Variants in NRXN1 observed in about 807,000 individuals in gnomAD.
NRXN1 encodes neurexin-1.
In NRXN1, 39 loss-of-function variants were observed where a neutral mutation model predicts 150.9. The observed-to-expected ratio is 0.26, with a 90% confidence interval of 0.20 to 0.34. NRXN1 has a LOEUF of 0.34. Ranked by LOEUF, NRXN1 falls within the 10% of genes least tolerant of loss-of-function variation. The pLI, the probability that NRXN1 is intolerant of heterozygous loss-of-function variation, is 1.00. For missense variants in NRXN1, 1,815 were observed against 1,949.9 expected, an observed-to-expected ratio of 0.93 and a Z score of 1.30; for synonymous variants, 924 against 757.0, an observed-to-expected ratio of 1.22 and a Z score of -3.62.
chr2:50,520,733 G>C (rs182321463), intron 12 of NRXN1, among the ~76,000 whole-genome samples: 7 of 151,880 alleles, frequency 4.6e-5, no homozygotes, highest in Non-Finnish European at 7.4e-5. Flanking sequence ...TTATTAAACA[G>C]AATTTATTTT....
At chr2:51,001,583 A>C (rs1700084583) in intron 2 of NRXN1, among the ~76,000 whole-genome samples, 1 of 151,998 alleles carries the variant, frequency 6.6e-6, no homozygotes, top group African/African-American at 2.4e-5. Context: ...TCCACCTTTT[A>C]AAATAATACT....
intron 21 of NRXN1, among the ~76,000 whole-genome samples, chr2:49,998,742 G>C (rs1225879194): frequency 1.3e-5 from 2 of 152,036 alleles, no homozygotes; most frequent in Non-Finnish European, 2.9e-5. Context: ...GATACACAGA[G>C]ACCCTTAGGG....
intron 12 of NRXN1, among the ~76,000 whole-genome samples, chr2:50,508,952 G>T (rs1391696984): frequency 6.6e-6 from 1 of 152,162 alleles, no homozygotes; most frequent in Non-Finnish European, 1.5e-5. Context: ...GCACTAGACT[G>T]GGAGTTAAGA....
chr2:50,534,406 A>G (rs932850442), intron 10 of NRXN1, among the ~76,000 whole-genome samples: 2 of 152,194 alleles, frequency 1.3e-5, no homozygotes, highest in Non-Finnish European at 2.9e-5. Context: ...GTGGTTCTAT[A>G]TAATATCATA....
At chr2:50,773,992 C>G (rs967045531) in intron 5 of NRXN1, among the ~76,000 whole-genome samples, 1 of 152,112 alleles carries the variant, frequency 6.6e-6, no homozygotes, top group Non-Finnish European at 1.5e-5. Flanking sequence ...AACCCCCACA[C>G]GACCCGGATG....
rs77308033 is a variant in NRXN1 at position 50,496,109 on chromosome 2, G to A, written c.2880-14C>T. 1.9e-6 allele frequency: 3 copies of A among 1,566,902 alleles called. No homozygotes were observed. Among genetic ancestry groups the A allele is most frequent in the East Asian group, 4.6e-5 (2 of 43,220 alleles). On this transcript the variant is annotated splice_polypyrimidine_tract_variant and intron_variant, in intron 14 of 22. Coordinates refer to ENST00000401669, the MANE Select transcript of NRXN1 (RefSeq NM_001330078.2). ...TAATGTAAGTACCTGGGAAAAAAAT[G>A]AAAGAGGGGAAAGTGCCATCACTTT...
At chr2:50,543,708 A>G (rs776858474) in intron 9 of NRXN1, among the ~76,000 whole-genome samples, 7 of 152,146 alleles carry the variant, frequency 4.6e-5, no homozygotes, top group African/African-American at 1.7e-4. Context: ...TTCATTACCT[A>G]TTAGTTTCCA....
At chr2:50,293,933 T>C (rs957254979) in intron 17 of NRXN1, among the ~76,000 whole-genome samples, 2 of 152,348 alleles carry the variant, frequency 1.3e-5, no homozygotes, top group African/African-American at 2.4e-5. Flanking sequence ...GGTCTCTTCA[T>C]TGTAACCTGA....
intron 17 of NRXN1, 164 bp downstream of exon 17, chr2:50,465,274 CAATT>C: frequency 2.0e-6 from 1 of 501,092 alleles, no homozygotes; most frequent in Non-Finnish European, 3.2e-6. Context: ...GCCACTTTAA[CAATT>C]AGTATTTCAA....
intron 17 of NRXN1, among the ~76,000 whole-genome samples, chr2:50,312,191 A>C (rs559759570): frequency 9.2e-5 from 14 of 152,212 alleles, no homozygotes; most frequent in African/African-American, 3.4e-4. Context: ...AGTCCAACCA[A>C]ATTATGAGAT....
chr2:51,011,804 A>T (rs1667919044), intron 2 of NRXN1, among the ~76,000 whole-genome samples: 1 of 151,996 alleles, frequency 6.6e-6, no homozygotes, highest in African/African-American at 2.4e-5. Flanking sequence ...TTTATAAAGG[A>T]TCACTCCAGT....
In NRXN1 at chr2:51,025,011, C is replaced by T. The variant is rs144775141; in HGVS notation, c.772+2491G>A. Among the ~76,000 whole-genome samples the T allele has an allele frequency of 3.4e-4, 52 of 152,162 alleles. 1 individual carries two copies. The highest frequency in any genetic ancestry group is 1.2e-3 in the African/African-American group (49 of 41,522). ...CTGTATTGGGAGAATCATCCATTCTCAATTAATTATTCAATAGTCACTTGA... is the reference window on the plus strand; with the variant it reads ...CTGTATTGGGAGAATCATCCATTCTTAATTAATTATTCAATAGTCACTTGA... On this transcript the variant is annotated intron_variant, in intron 2 of 22. Coordinates refer to ENST00000401669, the MANE Select transcript of NRXN1 (RefSeq NM_001330078.2).
At chr2:50,116,988 T>C (rs1703160982) in intron 18 of NRXN1, among the ~76,000 whole-genome samples, 1 of 152,136 alleles carries the variant, frequency 6.6e-6, no homozygotes. Context: ...ACTTTTTTCA[T>C]GGTTTTCTTA....
At chr2:50,311,367 T>C (rs1200366009) in intron 17 of NRXN1, among the ~76,000 whole-genome samples, 4 of 152,136 alleles carry the variant, frequency 2.6e-5, no homozygotes, top group African/African-American at 9.7e-5. Context: ...AAGCTAAGAA[T>C]GATGATTTGA....
At chr2:50,494,186 G>C (rs1319337894) in intron 15 of NRXN1, among the ~76,000 whole-genome samples, 1 of 152,150 alleles carries the variant, frequency 6.6e-6, no homozygotes, top group Non-Finnish European at 1.5e-5. Flanking sequence ...GACCCTCAAT[G>C]TGTAGGGCTG....
chr2:50,955,729 T>C (rs1182294535), intron 2 of NRXN1, among the ~76,000 whole-genome samples: 1 of 152,222 alleles, frequency 6.6e-6, no homozygotes, highest in Non-Finnish European at 1.5e-5. Flanking sequence ...CTTTCTTTTT[T>C]ACATTTCCCA....
At chr2:50,856,655 T>A (rs1675316970) in intron 5 of NRXN1, among the ~76,000 whole-genome samples, 4 of 152,090 alleles carry the variant, frequency 2.6e-5, no homozygotes, top group African/African-American at 9.7e-5. Context: ...TCAAAACAGG[T>A]ATTCCTTTTT....
At chr2:50,627,955 T>C (rs1573868189) in intron 5 of NRXN1, among the ~76,000 whole-genome samples, 1 of 151,942 alleles carries the variant, frequency 6.6e-6, no homozygotes, top group Middle Eastern at 3.4e-3. Context: ...TGTGAAGATA[T>C]GTCTTAGTAA....
intron 2 of NRXN1, among the ~76,000 whole-genome samples, chr2:50,928,560 T>C (rs892453870): frequency 1.3e-4 from 20 of 152,102 alleles, no homozygotes; most frequent in African/African-American, 4.1e-4. Flanking sequence ...ATTTCTGTAC[T>C]AAATAATAAA....
Sources: gnomAD v4.1 joint callset for allele counts (sites outside exome capture counted in the v4.1 genomes callset) on GRCh38, gnomAD v4.1.1 for gene constraint, MANE v1.5 for transcripts, NCBI Gene and HGNC (gene_info 2026-07-23, HGNC 2026-07-21) for gene names.